The following MOSPD3 variants were observed in gnomAD, a reference collection of about 807,000 sequenced individuals.
MOSPD3 encodes the protein motile sperm domain-containing protein 3.
Under a neutral mutation model 23.3 loss-of-function variants are expected in MOSPD3, and 20 were observed. The ratio of observed to expected loss-of-function variants is 0.86; its 90% CI spans 0.61 to 1.25. The LOEUF is 1.25. Among genes scored for constraint, MOSPD3 ranks in the 50% most tolerant of loss-of-function variants. MOSPD3 has a pLI of 0.00. For missense variants in MOSPD3, 307 were observed against 315.7 expected, an observed-to-expected ratio of 0.97 and a Z score of 0.21; for synonymous variants, 136 against 135.2, an observed-to-expected ratio of 1.01 and a Z score of -0.04.
At position 100,612,610 on chromosome 7, in the gene MOSPD3, G is replaced by A; in HGVS notation, c.-182G>A. On this transcript the variant is annotated 5_prime_UTR_variant, in exon 1 of 5. Transcript: ENST00000393950. ...AGAGCTGGAAGAGGAAAGGTCTTGG[G>A]GGCCCTGGGCCTGGGTCTGCGGGAG... The A allele has an allele frequency of 3.8e-6, 2 of 528,144 alleles. No individual in the cohort carries two copies. The highest frequency in any genetic ancestry group is 3.3e-6 in the Non-Finnish European group (1 of 300,090). 32.7% of individuals were successfully genotyped at this position (528,144 alleles called of 1,614,324 possible).
At position 100,612,844 on chromosome 7, in the gene MOSPD3, G is replaced by C; in HGVS notation, c.53G>C (p.Gly18Ala). ...DQELVGPGPP[G>A]RGSRGAPPPL... ...GAGCTGGTGGGTCCGGGGCCCCCTGGGCGGGGGTCCCGGGGCGCCCCTCCT... is the reference window on the plus strand; with the variant it reads ...GAGCTGGTGGGTCCGGGGCCCCCTGCGCGGGGGTCCCGGGGCGCCCCTCCT... The change falls in exon 1 of 5, where the codon GGG becomes GCG. Residue 18 changes from glycine (G) to alanine (A), a missense_variant. Transcript: ENST00000393950. 6.2e-7 allele frequency: 1 copy of C among 1,611,578 alleles called. No homozygotes were observed. Among genetic ancestry groups the C allele is most frequent in the Non-Finnish European group, 8.5e-7 (1 of 1,179,386 alleles).
chr7:100,614,608 T>C (rs1355698045), intron 3 of MOSPD3, among the ~76,000 whole-genome samples: 1 of 151,960 alleles, frequency 6.6e-6, no homozygotes. Context: ...CAAGACCATC[T>C]ACAAACAACT....
rs202196922 is a variant in MOSPD3, at chr7:100,613,045, T to C, written c.205+49T>C. ...GGGCTGGTGGCCGGACACTGGGGGG[T>C]TGTGTTGGCTGGAGGAGTCAGATGG... On this transcript the variant is annotated intron_variant, in intron 1 of 4. Transcript: ENST00000393950. 63 of 1,605,326 alleles carry C rather than the reference T, an allele frequency of 3.9e-5. No individual in the cohort carries two copies. The African/African-American group carries it at 7.4e-4, about 19-fold the overall frequency.
intron 3 of MOSPD3, 50 bp downstream of exon 3, chr7:100,613,756 C>G (rs1802909700): frequency 2.0e-6 from 3 of 1,482,118 alleles, no homozygotes; most frequent in Non-Finnish European, 2.8e-6. Context: ...GAGGAACTAG[C>G]ATTTCCCTAG....
rs905968671 is a variant in MOSPD3, at chr7:100,612,749, C to T, written c.-43C>T. 1 of 1,483,106 alleles carries T rather than the reference C, an allele frequency of 6.7e-7. No homozygotes were observed. Among genetic ancestry groups the T allele is most frequent in the Admixed American group, 2.2e-5 (1 of 44,902 alleles). 91.9% of individuals were successfully genotyped at this position (1,483,106 alleles called of 1,614,324 possible). On this transcript the variant is annotated 5_prime_UTR_variant, in exon 1 of 5. Coordinates refer to ENST00000393950, the MANE Select transcript of MOSPD3 (RefSeq NM_023948.5). ...CCCCAGCTCTGACTCCAGGCCCTGT[C>T]CCCTGAGCTCTGCCCTCGGATGTCC...
Position 100,613,707 on chromosome 7 carries a change from G to C in MOSPD3, c.511+1G>C, listed in dbSNP as rs759490850. 9 of 1,610,948 alleles carry C rather than the reference G, an allele frequency of 5.6e-6. No homozygotes were observed. The Admixed American group carries it at 1.5e-4, about 27-fold the overall frequency. ...CCCACGGCCAGACACTTCCAGGAGCGTGAGTTGGGAGACTGGGATCTTGAG... is the reference window on the plus strand; with the variant it reads ...CCCACGGCCAGACACTTCCAGGAGCCTGAGTTGGGAGACTGGGATCTTGAG... On this transcript the variant is annotated splice_donor_variant, in intron 3 of 4. Coordinates refer to ENST00000393950, the MANE Select transcript of MOSPD3 (RefSeq NM_023948.5). LOFTEE classifies it high-confidence loss of function.
rs761404739 is a variant in MOSPD3, at chr7:100,613,611, C to T, written c.416C>T (p.Ala139Val). The T allele has an allele frequency of 5.6e-6, 9 of 1,614,150 alleles. No homozygotes were observed. Among genetic ancestry groups the T allele is most frequent in the African/African-American group, 1.3e-5 (1 of 75,022 alleles). The stretch of plus-strand genomic sequence containing the variant: ...ATTACCTCCATTCTGAGAGCCCCAG[C>T]GTACCCCCTTGAGCTTCAGGGACAG... ...KDITSILRAP[A>V]YPLELQGQPD... Residue 139 changes from alanine to valine, a missense_variant, in exon 3 of 5, where the codon GCG becomes GTG. By Grantham distance (64) the Ala-to-Val change is moderately conservative. Transcript: ENST00000393950.
upstream of MOSPD3, chr7:100,612,499 C>G (rs1802852577): frequency 3.2e-6 from 1 of 307,762 alleles, no homozygotes; most frequent in South Asian, 7.8e-5. Context: ...AGGAGAAGGC[C>G]GGGTTGGGAG....
upstream of MOSPD3, chr7:100,612,515 A>G (rs1802853057): frequency 2.9e-6 from 1 of 344,772 alleles, no homozygotes; most frequent in African/African-American, 2.2e-5. Context: ...GGGAGCTGCG[A>G]GGGGCCGGGT....
At position 100,613,265 on chromosome 7, in the gene MOSPD3, G is replaced by A. The variant is rs774707547; in HGVS notation, c.277G>A (p.Asp93Asn). 6.2e-7 allele frequency: 1 copy of A among 1,613,714 alleles called. No individual in the cohort carries two copies. Among genetic ancestry groups the A allele is most frequent in the South Asian group, 1.1e-5 (1 of 91,076 alleles). The stretch of plus-strand genomic sequence containing the variant: ...ATATGTGAAGCCCCAGTCTTGCATT[G>A]ACATGTGAGTGAGCTGGGAGGGTGG... ...EGYVKPQSCIDIVIRHVAPIP... is the reference protein window; with the variant it reads ...EGYVKPQSCINIVIRHVAPIP... The change falls in exon 2 of 5, where the codon GAC (aspartate) becomes AAC (asparagine). Residue 93 changes from aspartate (D) to asparagine (N), a missense_variant. By Grantham distance (23) the Asp-to-Asn change is conservative. Transcript: ENST00000393950.
In MOSPD3 at chr7:100,612,797, C is replaced by T. The variant is rs1802866253; in HGVS notation, c.6C>T (p.Arg2=). 6.3e-7 allele frequency: 1 copy of T among 1,585,230 alleles called. No homozygotes were observed. The highest frequency in any genetic ancestry group is 8.5e-7 in the Non-Finnish European group (1 of 1,170,406). The stretch of plus-strand genomic sequence containing the variant: ...TCCGACCGCCCAGAGCCTGCATGCG[C>T]CGTGGGGCGCCCCAGGACCAGGAGC... M[R]RGAPQDQELV... The change falls in exon 1 of 5, where the codon CGC becomes CGT. Residue 2 remains arginine (R), a synonymous_variant. Coordinates refer to ENST00000393950, the MANE Select transcript of MOSPD3 (RefSeq NM_023948.5).
Position 100,615,179 on chromosome 7 carries a change from C to A in MOSPD3, c.704C>A (p.Thr235Asn). Residue 235 changes from threonine to asparagine, a missense_variant, in exon 5 of 5, where the codon ACC (threonine) becomes AAC (asparagine). Thr to Asn is a moderately conservative substitution (Grantham distance 65). Coordinates refer to ENST00000393950, the MANE Select transcript of MOSPD3 (RefSeq NM_023948.5). ...LGLLTMVFLR[T>N] Reference sequence around the variant, plus strand: ...CTCCTCACCATGGTGTTCCTCCGGACCTGAGCTCCGTGCTCAACCCCCAGC... The same window carrying A: ...CTCCTCACCATGGTGTTCCTCCGGAACTGAGCTCCGTGCTCAACCCCCAGC... 1 of 1,613,988 alleles carries A rather than the reference C, an allele frequency of 6.2e-7. No homozygotes were observed. The highest frequency in any genetic ancestry group is 1.3e-5 in the African/African-American group (1 of 75,006).
At position 100,614,805 on chromosome 7, in the gene MOSPD3, C is replaced by G. The variant is rs188367468; in HGVS notation, c.512-62C>G. 2.2e-4 allele frequency: 337 copies of G among 1,533,906 alleles called. 3 individuals are homozygous for G. In the African/African-American group the frequency reaches 4.5e-3, roughly 20 times the overall value. On this transcript the variant is annotated intron_variant, in intron 3 of 4. Coordinates refer to ENST00000393950, the MANE Select transcript of MOSPD3 (RefSeq NM_023948.5). ...TACATCTTCCTTGTTCAGGCTTCTC[C>G]CTGGAGGACCTGGGCTGGGCAGGAG...
chr7:100,613,595 A>C lies in MOSPD3; in HGVS notation c.400A>C (p.Ile134Leu), dbSNP rs971055322. 11 of 1,614,036 alleles carry C rather than the reference A, an allele frequency of 6.8e-6. No homozygotes were observed. Among genetic ancestry groups the C allele is most frequent in the Non-Finnish European group, 9.3e-6 (11 of 1,180,028 alleles). ...GGTGGGACGCAAGGACATTACCTCC[A>C]TTCTGAGAGCCCCAGCGTACCCCCT... ...RVVGRKDITS[I>L]LRAPAYPLEL... is the part of the protein sequence containing the mutation. The change falls in exon 3 of 5, where the codon ATT (isoleucine) becomes CTT (leucine). Residue 134 changes from isoleucine (I) to leucine (L), a missense_variant. Transcript: ENST00000393950.
Position 100,615,171 on chromosome 7 carries a change from C to T in MOSPD3, c.696C>T (p.Phe232=). The change falls in exon 5 of 5, where the codon TTC becomes TTT. Residue 232 remains phenylalanine, a synonymous_variant. Transcript: ENST00000393950. The stretch of plus-strand genomic sequence containing the variant: ...CTCCAGGCCTCCTCACCATGGTGTT[C>T]CTCCGGACCTGAGCTCCGTGCTCAA... ...AYVLGLLTMV[F]LRT is the part of the protein sequence containing the mutation. 1.9e-6 allele frequency: 3 copies of T among 1,614,044 alleles called. No homozygotes were observed. Among genetic ancestry groups the T allele is most frequent in the Non-Finnish European group, 2.5e-6 (3 of 1,180,016 alleles).
At position 100,612,763 on chromosome 7, in the gene MOSPD3, C is replaced by T; in HGVS notation, c.-29C>T. On this transcript the variant is annotated 5_prime_UTR_variant, in exon 1 of 5. Transcript: ENST00000393950. ...CCAGGCCCTGTCCCCTGAGCTCTGCCCTCGGATGTCCGACCGCCCAGAGCC... is the reference window on the plus strand; with the variant it reads ...CCAGGCCCTGTCCCCTGAGCTCTGCTCTCGGATGTCCGACCGCCCAGAGCC... The T allele has an allele frequency of 6.5e-7, 1 of 1,539,876 alleles. No homozygotes were observed. Among genetic ancestry groups the T allele is most frequent in the Non-Finnish European group, 8.7e-7 (1 of 1,147,968 alleles).
Position 100,612,878 on chromosome 7 carries a change from A to C in MOSPD3, c.87A>C (p.Gly29=). 1 of 1,608,802 alleles carries C rather than the reference A, an allele frequency of 6.2e-7. No homozygotes were observed. Among genetic ancestry groups the C allele is most frequent in the Non-Finnish European group, 8.5e-7 (1 of 1,179,076 alleles). Residue 29 remains glycine, a synonymous_variant, in exon 1 of 5, where the codon GGA becomes GGC. Coordinates refer to ENST00000393950, the MANE Select transcript of MOSPD3 (RefSeq NM_023948.5). The part of the protein sequence containing the change: ...RGSRGAPPPL[G]PVVPVLVFPP... ...CCCGGGGCGCCCCTCCTCCCTTGGGACCCGTTGTCCCGGTCCTGGTCTTTC... is the reference window on the plus strand; with the variant it reads ...CCCGGGGCGCCCCTCCTCCCTTGGGCCCCGTTGTCCCGGTCCTGGTCTTTC...
Position 100,615,327 on chromosome 7 carries a change from G to C in MOSPD3, c.*144G>C. 3 of 653,136 alleles carry C rather than the reference G, an allele frequency of 4.6e-6. No individual in the cohort carries two copies. In the Admixed American group the frequency reaches 9.9e-5, roughly 22 times the overall value. The allele number at this position is 653,136 out of a possible 1,614,324, so 40.5% of individuals were successfully genotyped here. A position where few individuals can be genotyped will look rare whatever the true frequency, so the allele number is the denominator to read the frequency against. ...CTCCTCCCTGACAAAAAACACCCAG[G>C]GATTTGTACTCATTTTCCAAGTTGA... On this transcript the variant is annotated 3_prime_UTR_variant, in exon 5 of 5. Transcript: ENST00000393950.
At position 100,615,336 on chromosome 7, in the gene MOSPD3, C is replaced by T. The variant is rs1248029407; in HGVS notation, c.*153C>T. On this transcript the variant is annotated 3_prime_UTR_variant, in exon 5 of 5. Coordinates refer to ENST00000393950, the MANE Select transcript of MOSPD3 (RefSeq NM_023948.5). Reference sequence around the variant, plus strand: ...GACAAAAAACACCCAGGGATTTGTACTCATTTTCCAAGTTGAATAAAATAC... The same window carrying T: ...GACAAAAAACACCCAGGGATTTGTATTCATTTTCCAAGTTGAATAAAATAC... 14 of 634,638 alleles carry T rather than the reference C, an allele frequency of 2.2e-5. No homozygotes were observed. The highest frequency in any genetic ancestry group is 8.6e-4 in the Middle Eastern group (2 of 2,314). The allele number at this position is 634,638 out of a possible 1,614,324, so 39.3% of individuals were successfully genotyped here.
Sources: allele counts gnomAD v4.1 joint callset (sites outside exome capture counted in the v4.1 genomes callset), GRCh38; gene constraint gnomAD v4.1.1; transcripts MANE v1.5; gene names NCBI Gene and HGNC (gene_info 2026-07-23, HGNC 2026-07-21).